Variants in EFCAB13 observed in about 807,000 individuals in gnomAD.
EFCAB13 encodes EF-hand calcium binding domain 13.
In EFCAB13, 91 loss-of-function variants were observed where a neutral mutation model predicts 110.2. The observed-to-expected ratio is 0.83, with a 90% confidence interval of 0.70 to 0.98. The LOEUF (loss-of-function observed/expected upper bound fraction) is 0.98, where lower values mean the gene tolerates loss of function less well. Ranked by LOEUF, EFCAB13 falls within the 50% of genes least tolerant of loss-of-function variation. The probability of loss-of-function intolerance (pLI) is 0.00; values close to 1 mark genes in which losing one functional copy is unlikely to be tolerated. For missense variants in EFCAB13, 968 were observed against 1,119.4 expected, an observed-to-expected ratio of 0.86 and a Z score of 1.93; for synonymous variants, 323 against 369.9, an observed-to-expected ratio of 0.87 and a Z score of 1.45.
At position 47,325,341 on chromosome 17, in the gene EFCAB13, A is replaced by T. The variant is rs531778240; in HGVS notation, c.-248+818A>T. On this transcript the variant is annotated intron_variant, in intron 2 of 24. Transcript: ENST00000331493. ...TGCACAGCCTGATTGCTCACTCTTGAAGTACTTTCTTCACTTGGCATTCAG... is the reference window on the plus strand; with the variant it reads ...TGCACAGCCTGATTGCTCACTCTTGTAGTACTTTCTTCACTTGGCATTCAG... Among the ~76,000 whole-genome samples the T allele has an allele frequency of 7.2e-4, 110 of 151,984 alleles. 1 individual carries two copies. The highest frequency in any genetic ancestry group is 2.7e-3 in the African/African-American group (110 of 41,436).
At chr17:47,360,200 C>T (rs1034045787) in intron 9 of EFCAB13, among the ~76,000 whole-genome samples, 2 of 152,164 alleles carry the variant, frequency 1.3e-5, no homozygotes, top group Non-Finnish European at 2.9e-5. Flanking sequence ...GGAATTGCCA[C>T]ACTGACTTCC....
intron 22 of EFCAB13, among the ~76,000 whole-genome samples, chr17:47,414,237 G>GCA (rs757715004): frequency 8.1e-4 from 71 of 87,120 alleles, no homozygotes; most frequent in South Asian, 1.3e-3. Flanking sequence ...TTGTGACTGT[G>GCA]TATGTGTGTG....
At chr17:47,393,942 T>C in intron 15 of EFCAB13, 83 bp from the exon 16 acceptor site, 3 of 671,044 alleles carry the variant, frequency 4.5e-6, no homozygotes, top group Non-Finnish European at 7.2e-6. Flanking sequence ...TATTTCTGAA[T>C]ATATAACGTA....
intron 5 of EFCAB13, among the ~76,000 whole-genome samples, chr17:47,338,243 G>GTTTTTTTTTTTTT (rs11334311): frequency 7.3e-6 from 1 of 137,796 alleles, no homozygotes; most frequent in African/African-American, 2.7e-5. Context: ...GTCACTACTA[G>GTTTTTTTTTTTTT]TTTTTTTTTT....
Position 47,374,969 on chromosome 17 carries a change from A to G in EFCAB13, c.1372+3A>G, listed in dbSNP as rs557673505. ...AAAAACTGCAATTAGTACTCTGGGTAAGTAAAAATCTAGGTTCTTGAGTTC... is the reference window on the plus strand; with the variant it reads ...AAAAACTGCAATTAGTACTCTGGGTGAGTAAAAATCTAGGTTCTTGAGTTC... On this transcript the variant is annotated splice_donor_region_variant and intron_variant, in intron 12 of 24. Transcript: ENST00000331493. 2 of 1,548,470 alleles carry G rather than the reference A, an allele frequency of 1.3e-6. No homozygotes were observed. Among genetic ancestry groups the G allele is most frequent in the East Asian group, 2.3e-5 (1 of 44,240 alleles).
chr17:47,345,073 A>G lies in EFCAB13; in HGVS notation c.492A>G (p.Gly164=), dbSNP rs756628611. Residue 164 remains glycine (G), a synonymous_variant, in exon 8 of 25, where the codon GGA becomes GGG. Transcript: ENST00000331493. The part of the protein sequence containing the change: ...YMTLYDEVTH[G]YLHSKELSAL... ...CATTATATGATGAAGTAACCCATGG[A>G]TATTTACACTCAAAAGAATTAAGTG... The G allele has an allele frequency of 5.0e-6, 8 of 1,604,740 alleles. No homozygotes were observed. The highest frequency in any genetic ancestry group is 6.8e-6 in the Non-Finnish European group (8 of 1,175,700).
chr17:47,435,157 G>T (rs762327131), intron 24 of EFCAB13, among the ~76,000 whole-genome samples: 3 of 151,924 alleles, frequency 2.0e-5, no homozygotes, highest in African/African-American at 4.8e-5. Flanking sequence ...CTAATATCAA[G>T]AATCTACAAA....
rs1300821240 is a variant in EFCAB13, at chr17:47,358,632, G to A, written c.662-2746G>A. Among the ~76,000 whole-genome samples, 5 of 152,008 alleles carry A rather than the reference G, an allele frequency of 3.3e-5. No individual in the cohort carries two copies. In the South Asian group the frequency reaches 6.2e-4, roughly 19 times the overall value. ...GTTTCTCTTTTAATTTTGAACTGGTGTCTTTGGTTTTTGGAATGGGACTGT... is the reference window on the plus strand; with the variant it reads ...GTTTCTCTTTTAATTTTGAACTGGTATCTTTGGTTTTTGGAATGGGACTGT... On this transcript the variant is annotated intron_variant, in intron 9 of 24. Transcript: ENST00000331493.
At chr17:47,377,926 G>T in intron 13 of EFCAB13, 23 bp downstream of exon 13, 1 of 1,549,848 alleles carries the variant, frequency 6.5e-7, no homozygotes, top group Non-Finnish European at 8.6e-7. Flanking sequence ...TAACACTGAA[G>T]TTTCTGAGAA....
intron 8 of EFCAB13, among the ~76,000 whole-genome samples, chr17:47,347,016 CG>C (rs1462162732): frequency 6.6e-6 from 1 of 152,034 alleles, no homozygotes; most frequent in African/African-American, 2.4e-5. Context: ...CCCAGCACTG[CG>C]GAAGGCCAAT....
chr17:47,330,985 C>G (rs2065316863), intron 4 of EFCAB13, among the ~76,000 whole-genome samples: 1 of 151,982 alleles, frequency 6.6e-6, no homozygotes, highest in South Asian at 2.1e-4. Flanking sequence ...AAGGTGATAT[C>G]TTATTGTGGT....
chr17:47,432,444 T>TA (rs1281161053), intron 24 of EFCAB13, among the ~76,000 whole-genome samples: 34 of 101,734 alleles, frequency 3.3e-4, no homozygotes, highest in African/African-American at 6.2e-4. Context: ...ATAAATAAAT[T>TA]AGCTCGGTGT....
chr17:47,334,181 C>T (rs1262632126), intron 4 of EFCAB13, among the ~76,000 whole-genome samples: 1 of 151,484 alleles, frequency 6.6e-6, no homozygotes, highest in East Asian at 1.9e-4. Flanking sequence ...ATGGTATTTC[C>T]TTTTAATTTG....
chr17:47,416,222 T>C (rs564630741), intron 23 of EFCAB13, among the ~76,000 whole-genome samples: 1 of 152,182 alleles, frequency 6.6e-6, no homozygotes, highest in Non-Finnish European at 1.5e-5. Context: ...CACAACTTTC[T>C]AATTCCAAAA....
At chr17:47,391,751 T>C (rs964254060) in intron 15 of EFCAB13, among the ~76,000 whole-genome samples, 171 bp downstream of exon 15, 1 of 152,060 alleles carries the variant, frequency 6.6e-6, no homozygotes, top group Non-Finnish European at 1.5e-5. Context: ...AAAAGCCTGT[T>C]ATTTAGGAAT....
At chr17:47,369,266 C>T (rs1440215452) in intron 10 of EFCAB13, among the ~76,000 whole-genome samples, 1 of 152,204 alleles carries the variant, frequency 6.6e-6, no homozygotes, top group East Asian at 1.9e-4. Context: ...TTCCCAAGAT[C>T]TAGATGACTG....
At chr17:47,421,005 C>A (rs568781692) in intron 23 of EFCAB13, among the ~76,000 whole-genome samples, 74 of 133,298 alleles carry the variant, frequency 5.6e-4, no homozygotes, top group South Asian at 3.9e-3. Context: ...GTCAGCCCCC[C>A]GTCCGGGAGG....
chr17:47,398,714 C>T (rs1009719210), intron 17 of EFCAB13, among the ~76,000 whole-genome samples: 2 of 150,930 alleles, frequency 1.3e-5, no homozygotes, highest in African/African-American at 2.4e-5. Context: ...ACAAACACTG[C>T]GGAAGGCCGC....
At chr17:47,435,690 G>A (rs550572442) in intron 24 of EFCAB13, among the ~76,000 whole-genome samples, 3 of 147,600 alleles carry the variant, frequency 2.0e-5, no homozygotes, top group Non-Finnish European at 4.5e-5. Flanking sequence ...GGAACCTTCA[G>A]GAGGAGTCCT....
Sources: gnomAD v4.1 joint callset for allele counts (sites outside exome capture counted in the v4.1 genomes callset) on GRCh38, gnomAD v4.1.1 for gene constraint, MANE v1.5 for transcripts, NCBI Gene and HGNC (gene_info 2026-07-23, HGNC 2026-07-21) for gene names.